The following LAMP3 variants were observed in gnomAD, a reference collection of about 807,000 sequenced individuals.
LAMP3 encodes the protein lysosome-associated membrane glycoprotein 3.
Under a neutral mutation model 34.8 loss-of-function variants are expected in LAMP3, and 26 were observed. That is an observed-to-expected ratio of 0.75 (90% CI 0.55 to 1.04). The LOEUF is 1.04. Ranked by LOEUF, LAMP3 falls within the 50% of genes least tolerant of loss-of-function variation. The pLI is 0.00. For synonymous variants in LAMP3, 180 were observed against 201.9 expected, an observed-to-expected ratio of 0.89 and a Z score of 0.92; for missense variants, 495 against 524.0, an observed-to-expected ratio of 0.94 and a Z score of 0.54.
At chr3:183,141,396 G>A (rs1720279070) in intron 3 of LAMP3, among the ~76,000 whole-genome samples, 2 of 152,158 alleles carry the variant, frequency 1.3e-5, no homozygotes, top group Admixed American at 6.5e-5. Context: ...ACCTTCTAGG[G>A]AACTGAATTG....
intron 1 of LAMP3, 81 bp downstream of exon 1, chr3:183,162,526 C>T: frequency 2.2e-6 from 3 of 1,393,906 alleles, no homozygotes; most frequent in Non-Finnish European, 3.0e-6. Flanking sequence ...CGTCCTGTGG[C>T]GCCCGGGACT....
At chr3:183,142,657 G>C (rs1720319921) in intron 3 of LAMP3, among the ~76,000 whole-genome samples, 2 of 152,102 alleles carry the variant, frequency 1.3e-5, no homozygotes. Flanking sequence ...TTCCTCCATG[G>C]GATGTGTGGG....
At chr3:183,163,010 T>G (rs760871105), upstream of LAMP3, 16 of 218,290 alleles carry the variant, frequency 7.3e-5, no homozygotes, top group Non-Finnish European at 1.2e-4. Context: ...CAGGGTGGAG[T>G]GCAGTGGCGC....
At position 183,152,523 on chromosome 3, in the gene LAMP3, TC is replaced by T; in HGVS notation, c.760-21del. The T allele has an allele frequency of 6.3e-7, 1 of 1,596,592 alleles. No individual in the cohort carries two copies. Among genetic ancestry groups the T allele is most frequent in the Non-Finnish European group, 8.5e-7 (1 of 1,172,928 alleles). On this transcript the variant is annotated intron_variant, in intron 2 of 5. Coordinates refer to ENST00000265598, the MANE Select transcript of LAMP3 (RefSeq NM_014398.4). Reference sequence around the variant, plus strand: ...AAAAACCTAAATCAAGTTAGATAGATCAGCTAAATGAGATGTAGAGGAAAAC... The same window carrying T: ...AAAAACCTAAATCAAGTTAGATAGATAGCTAAATGAGATGTAGAGGAAAAC...
Position 183,135,805 on chromosome 3 carries a change from C to G in LAMP3, c.1029G>C (p.Gln343His). 3.7e-6 allele frequency: 6 copies of G among 1,614,108 alleles called. No individual in the cohort carries two copies. Among genetic ancestry groups the G allele is most frequent in the South Asian group, 1.1e-5 (1 of 91,084 alleles). Residue 343 changes from glutamine to histidine, a missense_variant, in exon 5 of 6, where the codon CAG becomes CAC. Gln to His is a conservative substitution (Grantham distance 24). Coordinates refer to ENST00000265598, the MANE Select transcript of LAMP3 (RefSeq NM_014398.4). ...GCAGGTGGGCTGACAACTGGAGGCT[C>G]TGTTCACTCACGCACTTGAAGGAAT... is the stretch of plus-strand genomic sequence containing the variant. ...VGHSFKCVSEQSLQLSAHLQV... is the reference protein window; with the variant it reads ...VGHSFKCVSEHSLQLSAHLQV...
At chr3:183,159,502 A>T (rs1720915231) in intron 1 of LAMP3, among the ~76,000 whole-genome samples, 1 of 152,206 alleles carries the variant, frequency 6.6e-6, no homozygotes, top group Non-Finnish European at 1.5e-5. Flanking sequence ...TCAGGGAGTC[A>T]TTGGAGCCCC....
At chr3:183,125,522 G>A (rs1442059699) in intron 5 of LAMP3, among the ~76,000 whole-genome samples, 3 of 152,190 alleles carry the variant, frequency 2.0e-5, no homozygotes, top group Non-Finnish European at 4.4e-5. Context: ...AAATAGTTGT[G>A]TAACCACAAA....
Position 183,152,405 on chromosome 3 carries a change from C to A in LAMP3, c.858G>T (p.Gln286His), listed in dbSNP as rs745493840. 6 of 1,612,376 alleles carry A rather than the reference C, an allele frequency of 3.7e-6. No homozygotes were observed. Among genetic ancestry groups the A allele is most frequent in the Non-Finnish European group, 5.1e-6 (6 of 1,179,348 alleles). ...TRKSNLLLNF[Q>H]GGFVNLTFTK... ...TAAATGTGAGATTCACAAATCCGCC[C>A]TGAAAATTCAACAGAAGGTTGGATT... Residue 286 changes from glutamine to histidine, a missense_variant, in exon 3 of 6, where the codon CAG becomes CAT. Physicochemically the swap from Gln to His is conservative, Grantham distance 24. Coordinates refer to ENST00000265598, the MANE Select transcript of LAMP3 (RefSeq NM_014398.4).
chr3:183,158,945 A>T (rs114211523), intron 1 of LAMP3, among the ~76,000 whole-genome samples: 5,148 of 149,434 alleles, frequency 0.034, 115 homozygotes, highest in Middle Eastern at 0.094. Flanking sequence ...GTCACCCAGG[A>T]TGGAGTGCAG....
At chr3:183,146,571 A>G (rs1576881412) in intron 3 of LAMP3, among the ~76,000 whole-genome samples, 2 of 135,822 alleles carry the variant, frequency 1.5e-5, no homozygotes, top group South Asian at 4.6e-4. Context: ...CTTGTTGCCC[A>G]GGCTGGAGTG....
chr3:183,151,522 G>A (rs535592950), intron 3 of LAMP3, among the ~76,000 whole-genome samples: 3 of 146,976 alleles, frequency 2.0e-5, no homozygotes, highest in Non-Finnish European at 4.4e-5. Flanking sequence ...CCACCTCCCC[G>A]GTTCAAGTGA....
intron 5 of LAMP3, among the ~76,000 whole-genome samples, chr3:183,127,917 G>A (rs1403714486): frequency 6.6e-6 from 1 of 151,988 alleles, no homozygotes; most frequent in African/African-American, 2.4e-5. Context: ...GGATCTCAAG[G>A]TCAGGAGATC....
chr3:183,128,553 C>T (rs940226267), intron 5 of LAMP3, among the ~76,000 whole-genome samples: 2 of 152,096 alleles, frequency 1.3e-5, no homozygotes, highest in Admixed American at 1.3e-4. Context: ...TAATGAATAA[C>T]CACGTACAAA....
chr3:183,129,470 T>G (rs1321443940), intron 5 of LAMP3, among the ~76,000 whole-genome samples: 1 of 152,136 alleles, frequency 6.6e-6, no homozygotes, highest in African/African-American at 2.4e-5. Flanking sequence ...TGTAATGCTT[T>G]AATCATAAGG....
At chr3:183,128,523 T>C (rs1377154375) in intron 5 of LAMP3, among the ~76,000 whole-genome samples, 1 of 152,232 alleles carries the variant, frequency 6.6e-6, no homozygotes, top group Non-Finnish European at 1.5e-5. Context: ...TTCATTTTTT[T>C]GCTATTATAA....
chr3:183,160,655 C>A (rs1043603496), intron 1 of LAMP3, among the ~76,000 whole-genome samples: 2 of 152,168 alleles, frequency 1.3e-5, no homozygotes, highest in Non-Finnish European at 2.9e-5. Flanking sequence ...ATAGCACCTA[C>A]TTTTCAGGGT....
chr3:183,138,894 C>T (rs1720185287), intron 4 of LAMP3, among the ~76,000 whole-genome samples: 1 of 152,136 alleles, frequency 6.6e-6, no homozygotes. Context: ...AGCCAGCTCA[C>T]CCCTTAGGGC....
At chr3:183,147,727 C>T (rs75413779) in intron 3 of LAMP3, among the ~76,000 whole-genome samples, 16,131 of 151,808 alleles carry the variant, frequency 0.11, 967 homozygotes, top group East Asian at 0.16. Context: ...TGATTGATGT[C>T]TTTTAGAAAC....
At chr3:183,143,882 C>T (rs1268105316) in intron 3 of LAMP3, among the ~76,000 whole-genome samples, 1 of 152,192 alleles carries the variant, frequency 6.6e-6, no homozygotes, top group African/African-American at 2.4e-5. Context: ...GTTAATCCGT[C>T]AAGGAACCTT....
Sources: allele counts gnomAD v4.1 joint callset (sites outside exome capture counted in the v4.1 genomes callset), GRCh38; gene constraint gnomAD v4.1.1; transcripts MANE v1.5; gene names NCBI Gene and HGNC (gene_info 2026-07-23, HGNC 2026-07-21).